IPP: variants seen among roughly 807,000 people sequenced by gnomAD.
IPP encodes the protein intracisternal A particle-promoted polypeptide.
In IPP, 41 loss-of-function variants were observed where a neutral mutation model predicts 64.1. The observed-to-expected ratio is 0.64, with a 90% CI of 0.50 to 0.83. IPP has a LOEUF of 0.83. Ranked by LOEUF, IPP falls within the 40% of genes least tolerant of loss-of-function variation. IPP has a pLI of 0.00. For missense variants in IPP, 649 were observed against 703.0 expected (o/e 0.92, Z 0.87); for synonymous variants, 214 against 235.2 (o/e 0.91, Z 0.83).
chr1:45,709,432 C>CAAAAAAAAAAAA (rs71058701), intron 8 of IPP, among the ~76,000 whole-genome samples: 11 of 66,158 alleles, frequency 1.7e-4, no homozygotes, highest in African/African-American at 2.3e-4. Flanking sequence ...GACTCCGTCT[C>CAAAAAAAAAAAA]AAAAAAAAAA....
intron 3 of IPP, among the ~76,000 whole-genome samples, chr1:45,733,579 C>T (rs1645938752): frequency 6.6e-6 from 1 of 151,664 alleles, no homozygotes; most frequent in Non-Finnish European, 1.5e-5. Flanking sequence ...TGGCTCACGC[C>T]TGAGCACTTT....
chr1:45,727,411 A>C (rs575549190), intron 5 of IPP, among the ~76,000 whole-genome samples: 1 of 152,158 alleles, frequency 6.6e-6, no homozygotes, highest in South Asian at 2.1e-4. Context: ...AATTCATCTG[A>C]TATGAAATAT....
Position 45,741,113 on chromosome 1 carries a change from C to G in IPP, c.512G>C (p.Ser171Thr). The G allele has an allele frequency of 6.2e-7, 1 of 1,614,172 alleles. No individual in the cohort carries two copies. The highest frequency in any genetic ancestry group is 8.5e-7 in the Non-Finnish European group (1 of 1,180,024). Reference protein sequence around the residue: ...YIHVHFLEVHSGEEFLALTKD... With the variant: ...YIHVHFLEVHTGEEFLALTKD... ...CGTAAGTGCCAGGAACTCTTCTCCA[C>G]TATGAACCTCCAAGAAATGGACATG... The change falls in exon 3 of 9, where the codon AGT (serine) becomes ACT (threonine). Residue 171 changes from serine to threonine, a missense_variant. Transcript: ENST00000396478.
In IPP at chr1:45,722,459, C is replaced by G. The variant is rs1645746401; in HGVS notation, c.1049-3119G>C. Among the ~76,000 whole-genome samples the G allele has an allele frequency of 2.6e-5, 4 of 152,124 alleles. No homozygotes were observed. In the South Asian group the frequency reaches 8.3e-4, roughly 32 times the overall value. On this transcript the variant is annotated intron_variant, in intron 5 of 8. Transcript: ENST00000396478. ...CCAGCTACTTGGGAGGCTGAGGCAT[C>G]ACTTGAATCCAGGAGGCAGAGGTTG...
chr1:45,729,828 C>T (rs1645882350), intron 3 of IPP, 59 bp from the exon 4 acceptor site: 3 of 987,632 alleles, frequency 3.0e-6, no homozygotes, highest in Non-Finnish European at 4.5e-6. Context: ...ATTGAAAAAA[C>T]ACATTTCTAT....
intron 8 of IPP, among the ~76,000 whole-genome samples, chr1:45,709,432 CAAAAA>C (rs71058701): frequency 1.5e-5 from 1 of 66,186 alleles, no homozygotes; most frequent in Admixed American, 2.0e-4. Context: ...GACTCCGTCT[CAAAAA>C]AAAAAAAAAA....
intron 7 of IPP, among the ~76,000 whole-genome samples, chr1:45,715,412 TG>T (rs1645645085): frequency 6.6e-6 from 1 of 151,824 alleles, no homozygotes; most frequent in African/African-American, 2.4e-5. Flanking sequence ...GGGGCCAAGG[TG>T]GGCAGATGAC....
chr1:45,705,438 T>C (rs955624293), intron 8 of IPP, among the ~76,000 whole-genome samples: 2 of 152,304 alleles, frequency 1.3e-5, no homozygotes, highest in African/African-American at 4.8e-5. Context: ...CCAGACATAA[T>C]AGATCAATTG....
At chr1:45,738,606 C>T (rs1031144670) in intron 3 of IPP, among the ~76,000 whole-genome samples, 4 of 151,866 alleles carry the variant, frequency 2.6e-5, no homozygotes, top group Admixed American at 1.3e-4. Context: ...TTTGGGAGGC[C>T]GAAGCGGGTG....
chr1:45,728,127 T>TGTGC lies in IPP; in HGVS notation c.881-330_881-329insGCAC, dbSNP rs1491372601. ...CAATTAAAAATAGTGAGTTGAAAGC[T>TGTGC]GTGTGTGTGTGTGTGTGTGTGTGTG... On this transcript the variant is annotated intron_variant, in intron 4 of 8. Coordinates refer to ENST00000396478, the MANE Select transcript of IPP (RefSeq NM_005897.3). 7.4e-3 allele frequency among the ~76,000 whole-genome samples: 281 copies of TGTGC among 37,920 alleles called. 3 individuals are homozygous for TGTGC. The highest frequency in any genetic ancestry group is 0.041 in the African/African-American group (242 of 5,906). The allele number at this position is 37,920 out of a possible 152,430, so 24.9% of individuals were successfully genotyped here. A position where few individuals can be genotyped will look rare whatever the true frequency, so the allele number is the denominator to read the frequency against.
At chr1:45,712,877 AAAT>A (rs940597914) in intron 8 of IPP, among the ~76,000 whole-genome samples, 16 of 123,326 alleles carry the variant, frequency 1.3e-4, no homozygotes, top group African/African-American at 4.5e-4. Context: ...AAAAAAAAAA[AAAT>A]ATATATATAT....
intron 6 of IPP, among the ~76,000 whole-genome samples, chr1:45,717,941 T>G (rs186914342): frequency 7.2e-5 from 11 of 152,204 alleles, no homozygotes; most frequent in Non-Finnish European, 1.3e-4. Flanking sequence ...TTTTCCACAA[T>G]AGGTTTGGAT....
chr1:45,721,145 T>G (rs566712980), intron 5 of IPP, among the ~76,000 whole-genome samples: 2 of 152,230 alleles, frequency 1.3e-5, no homozygotes, highest in East Asian at 3.9e-4. Flanking sequence ...AGAAAATAAT[T>G]AACATAGCAG....
chr1:45,724,296 C>CAGGCTGG (rs1434352642), intron 5 of IPP, among the ~76,000 whole-genome samples: 3 of 151,932 alleles, frequency 2.0e-5, no homozygotes, highest in Admixed American at 2.0e-4. Context: ...CAATGGTGCC[C>CAGGCTGG]AGGCTGGAGT....
intron 7 of IPP, among the ~76,000 whole-genome samples, chr1:45,716,064 A>G (rs1200610739): frequency 6.6e-6 from 1 of 152,198 alleles, no homozygotes; most frequent in Non-Finnish European, 1.5e-5. Context: ...GGTTCTAGTT[A>G]AAACAGCTTA....
intron 5 of IPP, among the ~76,000 whole-genome samples, chr1:45,725,830 A>G (rs1645817227): frequency 7.3e-6 from 1 of 136,830 alleles, no homozygotes; most frequent in African/African-American, 2.7e-5. Context: ...GTGTCCACTC[A>G]GAGTTAAATG....
chr1:45,724,438 C>T (rs578184521), intron 5 of IPP, among the ~76,000 whole-genome samples: 8 of 152,084 alleles, frequency 5.3e-5, no homozygotes, highest in Non-Finnish European at 1.0e-4. Flanking sequence ...GCCTGGCCGC[C>T]CATCGTCTGG....
chr1:45,740,895 A>T lies in IPP; in HGVS notation c.724+6T>A, dbSNP rs576053113. Reference sequence around the variant, plus strand: ...CAACTAATTCGATATATAGCAAAAAAGTTACCTTCTATATACTTTAAAAGT... The same window carrying T: ...CAACTAATTCGATATATAGCAAAAATGTTACCTTCTATATACTTTAAAAGT... On this transcript the variant is annotated splice_donor_region_variant and intron_variant, in intron 3 of 8. Transcript: ENST00000396478. 7.2e-6 allele frequency: 11 copies of T among 1,530,876 alleles called. No homozygotes were observed. The highest frequency in any genetic ancestry group is 3.5e-4 in the Middle Eastern group (2 of 5,750). 94.8% of individuals were successfully genotyped at this position (1,530,876 alleles called of 1,614,324 possible).
At chr1:45,725,098 C>T (rs1449037901) in intron 5 of IPP, among the ~76,000 whole-genome samples, 8 of 134,158 alleles carry the variant, frequency 6.0e-5, no homozygotes, top group African/African-American at 1.9e-4. Context: ...CCAGCCGCCC[C>T]GTCCGGGAGG....
Sources: allele counts gnomAD v4.1 joint callset (sites outside exome capture counted in the v4.1 genomes callset), GRCh38; gene constraint gnomAD v4.1.1; transcripts MANE v1.5; gene names NCBI Gene and HGNC (gene_info 2026-07-23, HGNC 2026-07-21).